SHC4: variants seen among roughly 807,000 people sequenced by gnomAD.
The protein encoded by SHC4 is SHC-transforming protein 4.
In SHC4, 41 loss-of-function variants were observed where a neutral mutation model predicts 69.4. The observed-to-expected ratio is 0.59, with a 90% CI of 0.46 to 0.77. The LOEUF is 0.77. Ranked by LOEUF, SHC4 falls within the 30% of genes least tolerant of loss-of-function variation. The probability of loss-of-function intolerance (pLI) is 0.00; values close to 1 mark genes in which losing one functional copy is unlikely to be tolerated. For missense variants in SHC4, 777 were observed against 783.8 expected (o/e 0.99, Z 0.10); for synonymous variants, 318 against 299.3 (o/e 1.06, Z -0.64).
At chr15:48,873,996 C>A (rs1323504253) in intron 4 of SHC4, among the ~76,000 whole-genome samples, 1 of 152,060 alleles carries the variant, frequency 6.6e-6, no homozygotes, top group Non-Finnish European at 1.5e-5. Context: ...AAAAATGCTT[C>A]TAAAATTCAT....
chr15:48,848,707 T>C (rs1176367405), intron 9 of SHC4, among the ~76,000 whole-genome samples: 1 of 152,092 alleles, frequency 6.6e-6, no homozygotes, highest in African/African-American at 2.4e-5. Flanking sequence ...AAAGAAGAAA[T>C]AAAACTAAGA....
chr15:48,867,778 A>G, intron 6 of SHC4, 40 bp downstream of exon 6: 2 of 1,574,422 alleles, frequency 1.3e-6, no homozygotes, highest in Non-Finnish European at 1.7e-6. Context: ...GAGTTGGTAT[A>G]TACCAGCTCT....
At chr15:48,869,618 G>A (rs1057414844) in intron 5 of SHC4, among the ~76,000 whole-genome samples, 3 of 152,162 alleles carry the variant, frequency 2.0e-5, no homozygotes, top group African/African-American at 4.8e-5. Flanking sequence ...TTACATATGA[G>A]GACTCTGGAG....
Position 48,884,363 on chromosome 15 carries a change from G to C in SHC4, c.725C>G (p.Pro242Arg), listed in dbSNP as rs764447651. 1 of 1,581,548 alleles carries C rather than the reference G, an allele frequency of 6.3e-7. No individual in the cohort carries two copies. The highest frequency in any genetic ancestry group is 2.3e-5 in the East Asian group (1 of 43,896). The stretch of plus-strand genomic sequence containing the variant: ...AAGGACTGTTGATAGGAACTTAACT[G>C]GAGGCTTTAAAAATTAAAGAAGAAA... ...ANGAIKKRKPPVKFLSTVLGK... is the reference protein window; with the variant it reads ...ANGAIKKRKPRVKFLSTVLGK... Residue 242 changes from proline (P) to arginine (R), a missense_variant, in exon 4 of 12, where the codon CCA becomes CGA. Coordinates refer to ENST00000332408, the MANE Select transcript of SHC4 (RefSeq NM_203349.4).
chr15:48,857,663 G>C, intron 7 of SHC4, 29 bp downstream of exon 7: 1 of 1,565,146 alleles, frequency 6.4e-7, no homozygotes, highest in Non-Finnish European at 8.7e-7. Context: ...TATATATATT[G>C]TCAAATTATT....
chr15:48,924,901 C>A lies in SHC4; in HGVS notation c.634G>T (p.Gly212Ter), dbSNP rs200922767. The A allele has an allele frequency of 6.2e-7, 1 of 1,614,038 alleles. No homozygotes were observed. The highest frequency in any genetic ancestry group is 2.2e-5 in the East Asian group (1 of 44,878). Residue 212 changes from glycine (G) to a stop codon, truncating the protein, a stop_gained, in exon 2 of 12, where the codon GGA becomes TGA. Transcript: ENST00000332408. LOFTEE classifies it high-confidence loss of function. ...VLQSMRSLDF[G>*]MRTQVTREAI... Reference sequence around the variant, plus strand: ...TACCTTGTAACTTGGGTTCTCATTCCAAAATCCAGTGATCTCATTGATTGC... The same window carrying A: ...TACCTTGTAACTTGGGTTCTCATTCAAAAATCCAGTGATCTCATTGATTGC...
chr15:48,938,270 A>G (rs1045828705), intron 1 of SHC4: 9 of 152,222 alleles, frequency 5.9e-5, no homozygotes, highest in Non-Finnish European at 1.0e-4. Context: ...CAAAGTATTA[A>G]TACATTCAGA....
At chr15:48,833,023 G>C (rs2140965948) in intron 11 of SHC4, among the ~76,000 whole-genome samples, 1 of 152,168 alleles carries the variant, frequency 6.6e-6, no homozygotes, top group East Asian at 1.9e-4. Context: ...ATATGCCTCT[G>C]TTTCTTTAGG....
At chr15:48,847,143 C>T (rs558135346) in intron 9 of SHC4, among the ~76,000 whole-genome samples, 13 of 151,850 alleles carry the variant, frequency 8.6e-5, no homozygotes, top group Admixed American at 6.6e-4. Context: ...GTTTGGTTGA[C>T]GAGGGCTTAG....
intron 11 of SHC4, among the ~76,000 whole-genome samples, chr15:48,833,742 C>G (rs1898851083): frequency 6.6e-6 from 1 of 152,192 alleles, no homozygotes; most frequent in African/African-American, 2.4e-5. Flanking sequence ...TCCTCTTTCC[C>G]CCATTCCCCC....
chr15:48,864,436 C>CTTTTTTT (rs35549079), intron 6 of SHC4, among the ~76,000 whole-genome samples: 15 of 55,008 alleles, frequency 2.7e-4, no homozygotes, highest in African/African-American at 8.4e-4. Context: ...ATACCACTTT[C>CTTTTTTT]TTTTTTTTTT....
At chr15:48,872,226 GTTTGT>G (rs1354400621) in intron 4 of SHC4, 84 bp from the exon 5 acceptor site, 3 of 832,766 alleles carry the variant, frequency 3.6e-6, no homozygotes, top group South Asian at 1.9e-5. Flanking sequence ...ACATACATTT[GTTTGT>G]TTTGTTTTTG....
intron 1 of SHC4, among the ~76,000 whole-genome samples, chr15:48,953,234 T>C (rs1796715361): frequency 1.3e-5 from 2 of 152,054 alleles, no homozygotes; most frequent in South Asian, 2.1e-4. Flanking sequence ...CATGGACATA[T>C]AGAGGGGAAC....
chr15:48,951,554 C>T (rs1901364874), intron 1 of SHC4, among the ~76,000 whole-genome samples: 2 of 151,976 alleles, frequency 1.3e-5, no homozygotes, highest in South Asian at 4.1e-4. Flanking sequence ...TGTATCAGTC[C>T]ATCTTATTTT....
chr15:48,848,358 G>T (rs1351368396), intron 9 of SHC4, among the ~76,000 whole-genome samples: 1 of 152,116 alleles, frequency 6.6e-6, no homozygotes, highest in African/African-American at 2.4e-5. Flanking sequence ...TTTCTTAACT[G>T]CAAACACCAT....
chr15:48,855,917 C>T (rs2140982661), intron 8 of SHC4, 36 bp downstream of exon 8: 3 of 1,576,120 alleles, frequency 1.9e-6, no homozygotes, highest in Non-Finnish European at 1.7e-6. Context: ...GGCAGAATTG[C>T]ATTGCTGGTT....
chr15:48,842,409 C>A (rs542850270), intron 10 of SHC4, among the ~76,000 whole-genome samples: 1 of 152,086 alleles, frequency 6.6e-6, no homozygotes, highest in African/African-American at 2.4e-5. Flanking sequence ...AGCAAAAGTA[C>A]GTAGTAGAAA....
intron 1 of SHC4, among the ~76,000 whole-genome samples, chr15:48,927,171 C>A (rs576211092): frequency 6.6e-6 from 1 of 152,218 alleles, no homozygotes; most frequent in Non-Finnish European, 1.5e-5. Context: ...CCAAGCTCCA[C>A]GTCCAGGTGG....
chr15:48,896,860 C>T (rs1486792229), intron 2 of SHC4, among the ~76,000 whole-genome samples: 1 of 152,210 alleles, frequency 6.6e-6, no homozygotes, highest in Non-Finnish European at 1.5e-5. Flanking sequence ...CTTTTCTTCC[C>T]CTGCTACTGG....
Sources: allele counts gnomAD v4.1 joint callset (sites outside exome capture counted in the v4.1 genomes callset), GRCh38; gene constraint gnomAD v4.1.1; transcripts MANE v1.5; gene names NCBI Gene and HGNC (gene_info 2026-07-23, HGNC 2026-07-21).